Variants in PKM observed in about 807,000 individuals in gnomAD.
PKM encodes pyruvate kinase M1/2.
Under a neutral mutation model 49.8 loss-of-function variants are expected in PKM, and 18 were observed. The observed-to-expected ratio is 0.36, with a 90% confidence interval of 0.25 to 0.54. PKM has a LOEUF of 0.54. PKM is among the 20% of genes least tolerant of loss of function. PKM has a pLI of 0.89. For missense variants in PKM, 508 were observed against 713.8 expected, an observed-to-expected ratio of 0.71 and a Z score of 3.28; for synonymous variants, 239 against 261.8, an observed-to-expected ratio of 0.91 and a Z score of 0.84.
At chr15:72,220,422 A>T (rs1205279211) in intron 1 of PKM, among the ~76,000 whole-genome samples, 1 of 152,082 alleles carries the variant, frequency 6.6e-6, no homozygotes, top group Non-Finnish European at 1.5e-5. Flanking sequence ...ATCTAAATCC[A>T]TCTCTGCCAT....
intron 3 of PKM, among the ~76,000 whole-genome samples, chr15:72,213,213 T>C (rs994712788): frequency 2.6e-5 from 4 of 152,254 alleles, no homozygotes; most frequent in Non-Finnish European, 4.4e-5. Context: ...TTAAATTTTA[T>C]TTGTTTTCTG....
chr15:72,202,969 G>A lies in PKM; in HGVS notation c.1141-349C>T. 1 of 1,567,506 alleles carries A rather than the reference G, an allele frequency of 6.4e-7. No homozygotes were observed. Among genetic ancestry groups the A allele is most frequent in the Middle Eastern group, 1.8e-4 (1 of 5,698 alleles). On this transcript the variant is annotated intron_variant, in intron 8 of 10. Coordinates refer to ENST00000335181, the MANE Select transcript of PKM (RefSeq NM_002654.6). This position sits in a 1 kb window ranked among gnomAD's most constrained non-coding sequence, Gnocchi z 4.5. ...GCCTGGCTGTCTTCTCCTAGAGCAG[G>A]TGGAGCAAGAGGCTGGTTATCCTAA...
Position 72,208,873 on chromosome 15 carries a change from G to C in PKM, c.584C>G (p.Thr195Arg). ...CAAGGAGCCACCATTTTCCACCTCC[G>C]TCACCAGGAAGTCGGCACCTGTATG... The part of the protein sequence containing the change: ...VKQKGADFLV[T>R]EVENGGSLGS... Residue 195 changes from threonine to arginine, a missense_variant, in exon 6 of 11, where the codon ACG becomes AGG. Thr to Arg is a moderately conservative substitution (Grantham distance 71). Coordinates refer to ENST00000335181, the MANE Select transcript of PKM (RefSeq NM_002654.6). 1 of 1,613,940 alleles carries C rather than the reference G, an allele frequency of 6.2e-7. No individual in the cohort carries two copies. The highest frequency in any genetic ancestry group is 8.5e-7 in the Non-Finnish European group (1 of 1,179,946).
chr15:72,220,089 T>G (rs909372942), intron 1 of PKM, among the ~76,000 whole-genome samples: 1 of 152,192 alleles, frequency 6.6e-6, no homozygotes, highest in African/African-American at 2.4e-5. Context: ...AGTGTTTGAA[T>G]AACTATCAGG....
At chr15:72,209,881 A>G in intron 4 of PKM, 22 bp from the exon 5 acceptor site, 1 of 1,609,640 alleles carries the variant, frequency 6.2e-7, no homozygotes, top group East Asian at 2.2e-5. Context: ...AGAGTAAGCA[A>G]GAGTCCAAAC....
chr15:72,215,463 A>T (rs939408368), intron 3 of PKM, among the ~76,000 whole-genome samples: 1 of 152,216 alleles, frequency 6.6e-6, no homozygotes, highest in Non-Finnish European at 1.5e-5. Context: ...ACACAACCTC[A>T]TCTTGGTCTA....
intron 3 of PKM, among the ~76,000 whole-genome samples, chr15:72,215,802 C>T (rs370353277): frequency 6.6e-6 from 1 of 152,164 alleles, no homozygotes; most frequent in East Asian, 1.9e-4. Context: ...CAGCAGGGAT[C>T]AACAGCGAAC....
chr15:72,215,388 G>C (rs116393407), intron 3 of PKM, among the ~76,000 whole-genome samples: 4 of 152,220 alleles, frequency 2.6e-5, no homozygotes, highest in Admixed American at 6.5e-5. Flanking sequence ...TGGTAAGGCT[G>C]AAACTGTTTA....
At chr15:72,224,922 CTTTTT>C (rs144572779) in intron 1 of PKM, among the ~76,000 whole-genome samples, 2 of 81,594 alleles carry the variant, frequency 2.5e-5, no homozygotes, top group Non-Finnish European at 5.1e-5. Flanking sequence ...TTTCTTTTTT[CTTTTT>C]TTTTTTTTTT....
At chr15:72,227,744 C>CAAAAAAAAAAAAAAAA (rs34876633) in intron 1 of PKM, among the ~76,000 whole-genome samples, 7 of 10,806 alleles carry the variant, frequency 6.5e-4, no homozygotes, top group Middle Eastern at 0.05. Context: ...AAAACTATCT[C>CAAAAAAAAAAAAAAAA]AAAAAAAAAA....
At position 72,228,344 on chromosome 15, in the gene PKM, A is replaced by G. The variant is rs1391805851; in HGVS notation, c.-14+2772T>C. On this transcript the variant is annotated intron_variant, in intron 1 of 10. Coordinates refer to ENST00000335181, the MANE Select transcript of PKM (RefSeq NM_002654.6). Reference sequence around the variant, plus strand: ...TTAAGGCAGTACAGAGAACCAGGTGACCCGGACCAATCATTTTTTAATTAG... The same window carrying G: ...TTAAGGCAGTACAGAGAACCAGGTGGCCCGGACCAATCATTTTTTAATTAG... Among the ~76,000 whole-genome samples, 13 of 145,128 alleles carry G rather than the reference A, an allele frequency of 9.0e-5. 1 individual carries two copies. In the East Asian group the frequency reaches 2.7e-3, roughly 31 times the overall value.
Position 72,207,087 on chromosome 15 carries a change from G to A in PKM, c.987+40C>T, listed in dbSNP as rs140020799. On this transcript the variant is annotated intron_variant, in intron 7 of 10. Coordinates refer to ENST00000335181, the MANE Select transcript of PKM (RefSeq NM_002654.6). ...CCAGAGCTTTCCCATACAAACATGC[G>A]AGTGTGCACATGAGAATGTGGGGAA... 7.9e-3 allele frequency: 12,730 copies of A among 1,609,810 alleles called. 76 individuals are homozygous for A. The highest frequency in any genetic ancestry group is 0.02 in the Middle Eastern group (107 of 5,260).
rs2082450098 is a variant in PKM, at chr15:72,218,988, G to C, written c.110C>G (p.Ser37Ter). The C allele has an allele frequency of 4.3e-6, 7 of 1,614,056 alleles. No homozygotes were observed. The highest frequency in any genetic ancestry group is 5.9e-6 in the Non-Finnish European group (7 of 1,180,046). ...AGTGTTCCGGGCTGTGATGGGTGGT[G>C]AATCAATGTCCAGGCGGCACATGTG... is the stretch of plus-strand genomic sequence containing the variant. ...LEHMCRLDID[S>*]PPITARNTGI... The change falls in exon 2 of 11, where the codon TCA becomes TGA. Residue 37 changes from serine to a stop codon, truncating the protein, a stop_gained. Coordinates refer to ENST00000335181, the MANE Select transcript of PKM (RefSeq NM_002654.6). LOFTEE classifies it high-confidence loss of function.
At chr15:72,218,586 AT>A (rs11356526) in intron 2 of PKM, among the ~76,000 whole-genome samples, 28,972 of 135,412 alleles carry the variant, frequency 0.21, 2,909 homozygotes, top group East Asian at 0.41. Flanking sequence ...TGCCCAGCTA[AT>A]TTTTTTTTTT....
intron 6 of PKM, 103 bp from the exon 7 acceptor site, chr15:72,207,380 G>C: frequency 9.8e-7 from 1 of 1,021,316 alleles, no homozygotes; most frequent in Non-Finnish European, 1.5e-6. Context: ...AGATGTCCTT[G>C]TACCAGGACA....
intron 3 of PKM, among the ~76,000 whole-genome samples, chr15:72,214,532 A>G (rs1330734445): frequency 6.6e-6 from 1 of 152,170 alleles, no homozygotes; most frequent in Non-Finnish European, 1.5e-5. Context: ...GTGGTGGCTC[A>G]CGCCTGTAAT....
At chr15:72,206,027 G>T (rs537123280) in intron 8 of PKM, among the ~76,000 whole-genome samples, 1 of 151,816 alleles carries the variant, frequency 6.6e-6, no homozygotes, top group Non-Finnish European at 1.5e-5. Context: ...TCCTCCAGAC[G>T]CTCAGTCCAG....
intron 1 of PKM, 193 bp downstream of exon 1, chr15:72,230,923 G>C (rs1483986452): frequency 7.8e-7 from 1 of 1,287,284 alleles, no homozygotes; most frequent in Non-Finnish European, 1.0e-6. Flanking sequence ...AACGGCGCTG[G>C]GGACTTCTGA....
At chr15:72,227,536 G>A (rs2082706564) in intron 1 of PKM, among the ~76,000 whole-genome samples, 1 of 152,136 alleles carries the variant, frequency 6.6e-6, no homozygotes, top group East Asian at 1.9e-4. Context: ...CCTAAGTCAG[G>A]AGTTCAAGAC....
Sources: gnomAD v4.1 joint callset for allele counts (sites outside exome capture counted in the v4.1 genomes callset) on GRCh38, gnomAD v4.1.1 for gene constraint, Gnocchi (gnomAD v3.1) non-coding constraint, MANE v1.5 for transcripts, NCBI Gene and HGNC (gene_info 2026-07-23, HGNC 2026-07-21) for gene names.